Variants in NPAS3 observed in about 807,000 individuals in gnomAD.
The protein encoded by NPAS3 is neuronal PAS domain-containing protein 3.
A neutral mutation model predicts 73.1 loss-of-function variants in NPAS3; 14 were observed. That is an observed-to-expected ratio of 0.19 (90% confidence interval 0.13 to 0.30). The LOEUF (loss-of-function observed/expected upper bound fraction) is 0.30, where lower values mean the gene tolerates loss of function less well. Ranked by LOEUF, NPAS3 falls within the 10% of genes least tolerant of loss-of-function variation. The pLI is 1.00. For synonymous variants in NPAS3, 620 were observed against 541.5 expected (o/e 1.14, Z -2.01); for missense variants, 1,096 against 1,250.0 (o/e 0.88, Z 1.86).
intron 3 of NPAS3, among the ~76,000 whole-genome samples, chr14:33,285,374 A>G (rs564445581): frequency 1.3e-4 from 20 of 152,332 alleles, no homozygotes; most frequent in African/African-American, 4.3e-4. Context: ...TGTGCATTTA[A>G]GATGACCTGG....
At chr14:33,789,822 C>A (rs2063303090) in intron 9 of NPAS3, among the ~76,000 whole-genome samples, 1 of 151,734 alleles carries the variant, frequency 6.6e-6, no homozygotes, top group Admixed American at 6.6e-5. Context: ...ATCTCCTGAC[C>A]TCGTGATCCG....
At chr14:33,015,202 C>T (rs537181261) in intron 1 of NPAS3, among the ~76,000 whole-genome samples, 1 of 152,258 alleles carries the variant, frequency 6.6e-6, no homozygotes, top group East Asian at 1.9e-4. Context: ...CTCTAAAGTT[C>T]TGGATTCTAA....
At chr14:33,615,812 T>A (rs1441160886) in intron 5 of NPAS3, among the ~76,000 whole-genome samples, 1 of 152,190 alleles carries the variant, frequency 6.6e-6, no homozygotes, top group East Asian at 1.9e-4. Context: ...AGAGTCAGTG[T>A]CTGCCCTACA....
chr14:33,151,263 C>T (rs953854137), intron 2 of NPAS3, among the ~76,000 whole-genome samples: 3 of 152,156 alleles, frequency 2.0e-5, no homozygotes, highest in Admixed American at 1.3e-4. Flanking sequence ...TCTGAGGCCT[C>T]GGTTGCTAGT....
In NPAS3 at chr14:33,457,822, G is replaced by A. The variant is rs947811486; in HGVS notation, c.468+90554G>A. ...ATGGTGCCAGATTTCCTCATCAGCC[G>A]ATGTCTCCTTTTACTAAGGTGGGGC... On this transcript the variant is annotated intron_variant, in intron 4 of 11. Coordinates refer to ENST00000356141, the Ensembl canonical transcript of NPAS3. Among the ~76,000 whole-genome samples the A allele has an allele frequency of 3.3e-5, 5 of 152,220 alleles. No homozygotes were observed. The East Asian group carries it at 7.7e-4, about 24-fold the overall frequency.
chr14:33,729,894 T>A (rs1336585015), intron 6 of NPAS3, among the ~76,000 whole-genome samples: 1 of 152,198 alleles, frequency 6.6e-6, no homozygotes, highest in East Asian at 1.9e-4. Flanking sequence ...TCATCCTGGA[T>A]AAACATAAAA....
At chr14:33,282,098 G>A (rs561159080) in intron 3 of NPAS3, among the ~76,000 whole-genome samples, 51 of 152,282 alleles carry the variant, frequency 3.3e-4, no homozygotes, top group African/African-American at 1.2e-3. Flanking sequence ...TAATGCTAAA[G>A]CCAGTCTATT....
At chr14:33,055,155 GAA>G (rs780988576) in intron 1 of NPAS3, among the ~76,000 whole-genome samples, 1 of 152,126 alleles carries the variant, frequency 6.6e-6, no homozygotes, top group Non-Finnish European at 1.5e-5. Context: ...ATTTTCAATA[GAA>G]GGAAATGGCC....
intron 5 of NPAS3, among the ~76,000 whole-genome samples, chr14:33,597,493 T>TA (rs1353616371): frequency 6.6e-6 from 1 of 152,210 alleles, no homozygotes; most frequent in Non-Finnish European, 1.5e-5. Flanking sequence ...AGAAGAAAAC[T>TA]AAAAATGTCT....
intron 1 of NPAS3, among the ~76,000 whole-genome samples, chr14:32,940,361 T>C (rs1329463655): frequency 6.6e-6 from 1 of 152,182 alleles, no homozygotes; most frequent in Non-Finnish European, 1.5e-5. Context: ...CAGCACCCCC[T>C]CCCCATCACC....
chr14:33,055,797 A>T, intron 1 of NPAS3, 108 bp from the exon 2 acceptor site: 2 of 556,690 alleles, frequency 3.6e-6, no homozygotes, highest in South Asian at 2.6e-5. Context: ...TAGAGCTCAA[A>T]AGCGTAAAAA....
intron 2 of NPAS3, among the ~76,000 whole-genome samples, chr14:33,176,370 C>T (rs528297733): frequency 2.0e-4 from 30 of 152,266 alleles, no homozygotes; most frequent in Non-Finnish European, 3.2e-4. Context: ...TAGCCCCTCC[C>T]TGCTTATCCC....
chr14:33,388,823 A>G (rs954739140), intron 4 of NPAS3, among the ~76,000 whole-genome samples: 1 of 152,208 alleles, frequency 6.6e-6, no homozygotes, highest in Non-Finnish European at 1.5e-5. Context: ...GCAGTGGTTA[A>G]GAGACTTTCC....
chr14:33,651,916 A>G (rs1267778634), intron 5 of NPAS3, among the ~76,000 whole-genome samples: 1 of 152,148 alleles, frequency 6.6e-6, no homozygotes, highest in Non-Finnish European at 1.5e-5. Context: ...CAACATGTTA[A>G]AGTTTAAAAA....
intron 2 of NPAS3, among the ~76,000 whole-genome samples, chr14:33,078,609 TAAGA>T (rs2041757086): frequency 6.6e-6 from 1 of 151,976 alleles, no homozygotes; most frequent in Non-Finnish European, 1.5e-5. Flanking sequence ...AGGTATCAGT[TAAGA>T]AAGAGATTGA....
intron 4 of NPAS3, among the ~76,000 whole-genome samples, chr14:33,415,602 T>C (rs1188453760): frequency 1.3e-5 from 2 of 152,160 alleles, no homozygotes; most frequent in Non-Finnish European, 2.9e-5. Context: ...AGACACAGAC[T>C]ACAGCATCCC....
chr14:33,381,787 T>C (rs2046565990), intron 4 of NPAS3, among the ~76,000 whole-genome samples: 1 of 152,250 alleles, frequency 6.6e-6, no homozygotes, highest in Non-Finnish European at 1.5e-5. Flanking sequence ...ATATTTGCCC[T>C]GAGCAGAAGA....
At chr14:32,938,557 A>C (rs1391425032), upstream of NPAS3, among the ~76,000 whole-genome samples, 3 of 123,714 alleles carry the variant, frequency 2.4e-5, no homozygotes, top group South Asian at 2.5e-4. Context: ...CGTACGAGAG[A>C]GCGCTCTGGA....
chr14:33,488,523 C>T (rs2051724494), intron 4 of NPAS3, among the ~76,000 whole-genome samples: 1 of 152,160 alleles, frequency 6.6e-6, no homozygotes, highest in Non-Finnish European at 1.5e-5. Flanking sequence ...CCAAAATGAA[C>T]ACATACCTTA....
Sources: gnomAD v4.1 joint callset for allele counts (sites outside exome capture counted in the v4.1 genomes callset) on GRCh38, gnomAD v4.1.1 for gene constraint, MANE v1.5 for transcripts, NCBI Gene and HGNC (gene_info 2026-07-23, HGNC 2026-07-21) for gene names.